DDX10: variants seen among roughly 807,000 people sequenced by gnomAD.
DDX10 encodes the protein probable ATP-dependent RNA helicase DDX10.
Under a neutral mutation model 104.3 loss-of-function variants are expected in DDX10, and 74 were observed. That is an observed-to-expected ratio of 0.71 (90% CI 0.59 to 0.86). The LOEUF (loss-of-function observed/expected upper bound fraction) is 0.86. Ranked by LOEUF, DDX10 falls within the 40% of genes least tolerant of loss-of-function variation. The probability of loss-of-function intolerance (pLI) is 0.00; values close to 1 mark genes in which losing one functional copy is unlikely to be tolerated. For synonymous variants in DDX10, 351 were observed against 353.4 expected (o/e 0.99, Z 0.08); for missense variants, 952 against 1,040.0 (o/e 0.92, Z 1.16).
chr11:108,844,720 C>T (rs752362946), intron 15 of DDX10, among the ~76,000 whole-genome samples: 29 of 152,058 alleles, frequency 1.9e-4, no homozygotes, highest in Non-Finnish European at 4.1e-4. Flanking sequence ...ACTTTGCTTT[C>T]CTAATCTGAA....
intron 15 of DDX10, among the ~76,000 whole-genome samples, chr11:108,849,069 G>T (rs1164533335): frequency 6.6e-6 from 1 of 152,044 alleles, no homozygotes; most frequent in Non-Finnish European, 1.5e-5. Flanking sequence ...TGTCGTTCAA[G>T]CAAAACTCTG....
At chr11:108,724,117 A>G (rs1001010369) in intron 13 of DDX10, among the ~76,000 whole-genome samples, 1 of 152,070 alleles carries the variant, frequency 6.6e-6, no homozygotes, top group East Asian at 1.9e-4. Flanking sequence ...CCTACTTCAT[A>G]TGCCTTTATT....
intron 9 of DDX10, among the ~76,000 whole-genome samples, chr11:108,699,403 C>T (rs562773717): frequency 6.6e-6 from 1 of 152,262 alleles, no homozygotes; most frequent in African/African-American, 2.4e-5. Context: ...TCAGATGGTA[C>T]TTTAAGGTTC....
At position 108,916,402 on chromosome 11, in the gene DDX10, C is replaced by G. The variant is rs1591124487; in HGVS notation, c.2305-1471C>G. 2.0e-5 allele frequency among the ~76,000 whole-genome samples: 3 copies of G among 151,694 alleles called. No individual in the cohort carries two copies. In the South Asian group the frequency reaches 6.3e-4, roughly 32 times the overall value. Reference sequence around the variant, plus strand: ...CCCCCAACTCAATTTCTTTCCAGACCTTTTATTTTTTACCAAGGACTCTCA... The same window carrying G: ...CCCCCAACTCAATTTCTTTCCAGACGTTTTATTTTTTACCAAGGACTCTCA... On this transcript the variant is annotated intron_variant, in intron 16 of 17. Coordinates refer to ENST00000322536, the MANE Select transcript of DDX10 (RefSeq NM_004398.4).
chr11:108,732,865 T>G (rs1194481208), intron 13 of DDX10, among the ~76,000 whole-genome samples: 1 of 152,234 alleles, frequency 6.6e-6, no homozygotes, highest in Non-Finnish European at 1.5e-5. Flanking sequence ...AATTTATTTT[T>G]GGAACACTTA....
intron 13 of DDX10, among the ~76,000 whole-genome samples, chr11:108,742,026 A>T (rs2094325784): frequency 6.6e-6 from 1 of 152,198 alleles, no homozygotes; most frequent in South Asian, 2.1e-4. Context: ...TGGGAGGCCA[A>T]GGTGGGTGGA....
At chr11:108,863,877 T>G (rs1862972548) in intron 16 of DDX10, among the ~76,000 whole-genome samples, 1 of 152,238 alleles carries the variant, frequency 6.6e-6, no homozygotes, top group African/African-American at 2.4e-5. Context: ...GATCAGATTT[T>G]GGGCTTCAGT....
chr11:108,671,519 C>A (rs1377197191), intron 1 of DDX10, among the ~76,000 whole-genome samples: 1 of 152,120 alleles, frequency 6.6e-6, no homozygotes, highest in Non-Finnish European at 1.5e-5. Context: ...GCTATGTAAT[C>A]CTTGGAATAT....
At chr11:108,863,055 C>G (rs538333880) in intron 16 of DDX10, among the ~76,000 whole-genome samples, 1 of 152,242 alleles carries the variant, frequency 6.6e-6, no homozygotes, top group Non-Finnish European at 1.5e-5. Flanking sequence ...TCATTCTTAC[C>G]ATAGATTCTG....
At chr11:108,686,272 T>C (rs1403654795) in intron 6 of DDX10, among the ~76,000 whole-genome samples, 1 of 152,216 alleles carries the variant, frequency 6.6e-6, no homozygotes, top group Non-Finnish European at 1.5e-5. Context: ...AGTCTGTTAC[T>C]TTAGGGTTCA....
At position 108,665,350 on chromosome 11, in the gene DDX10, C is replaced by T; in HGVS notation, c.186+11C>T. The T allele has an allele frequency of 6.4e-7, 1 of 1,557,950 alleles. No individual in the cohort carries two copies. The highest frequency in any genetic ancestry group is 8.7e-7 in the Non-Finnish European group (1 of 1,150,958). On this transcript the variant is annotated intron_variant, in intron 1 of 17. Coordinates refer to ENST00000322536, the MANE Select transcript of DDX10 (RefSeq NM_004398.4). ...CAGAACTATGAAAAGGTGAGGCCGG[C>T]GCTGGGGAGGGGGCTCGGGCCGGCC...
intron 16 of DDX10, among the ~76,000 whole-genome samples, chr11:108,902,246 T>C (rs1023490732): frequency 6.6e-6 from 1 of 150,742 alleles, no homozygotes; most frequent in Non-Finnish European, 1.5e-5. Context: ...AACAGCAGCA[T>C]AAATCAAGAG....
At chr11:108,806,290 A>G (rs981140518) in intron 13 of DDX10, among the ~76,000 whole-genome samples, 1 of 152,160 alleles carries the variant, frequency 6.6e-6, no homozygotes, top group African/African-American at 2.4e-5. Context: ...AGCAATAAAA[A>G]CAACAAAAAG....
intron 16 of DDX10, among the ~76,000 whole-genome samples, chr11:108,895,077 GA>G (rs1328759961): frequency 6.6e-6 from 1 of 151,968 alleles, no homozygotes; most frequent in Non-Finnish European, 1.5e-5. Context: ...AGCCAGGTTT[GA>G]AATATCTGCT....
intron 7 of DDX10, among the ~76,000 whole-genome samples, chr11:108,690,052 A>C (rs2094250032): frequency 8.8e-6 from 1 of 113,254 alleles, no homozygotes; most frequent in Admixed American, 9.4e-5. Context: ...CCTGTCTTTA[A>C]AAAAAAAAAA....
At chr11:108,823,586 CATT>C (rs1862354835) in intron 13 of DDX10, among the ~76,000 whole-genome samples, 1 of 152,098 alleles carries the variant, frequency 6.6e-6, no homozygotes. Context: ...ATCTTTCTTC[CATT>C]ATTGTAGTTC....
chr11:108,805,780 A>T (rs1035196828), intron 13 of DDX10, among the ~76,000 whole-genome samples: 1 of 152,168 alleles, frequency 6.6e-6, no homozygotes, highest in African/African-American at 2.4e-5. Context: ...CAATTGATAG[A>T]TGCTTTAATT....
At chr11:108,927,600 C>A (rs1254275925) in intron 17 of DDX10, among the ~76,000 whole-genome samples, 1 of 151,904 alleles carries the variant, frequency 6.6e-6, no homozygotes, top group Non-Finnish European at 1.5e-5. Context: ...TTCTATGTTG[C>A]CTTGGGCCAC....
At chr11:108,829,769 G>C in intron 13 of DDX10, among the ~76,000 whole-genome samples, 1 of 152,190 alleles carries the variant, frequency 6.6e-6, no homozygotes, top group Middle Eastern at 3.2e-3. Context: ...TAAGGTGAGA[G>C]ATGAGGATCC....
Sources: allele counts gnomAD v4.1 joint callset (sites outside exome capture counted in the v4.1 genomes callset), GRCh38; gene constraint gnomAD v4.1.1; transcripts MANE v1.5; gene names NCBI Gene and HGNC (gene_info 2026-07-23, HGNC 2026-07-21).